The following BLMH variants were observed in gnomAD, a reference collection of about 807,000 sequenced individuals.
BLMH encodes BLM hydrolase.
A neutral mutation model predicts 61.6 loss-of-function variants in BLMH; 32 were observed. The ratio of observed to expected loss-of-function variants is 0.52; its 90% confidence interval spans 0.39 to 0.70. The LOEUF (loss-of-function observed/expected upper bound fraction) is 0.70, where lower values mean the gene tolerates loss of function less well. Among genes scored for constraint, BLMH ranks in the 30% least tolerant of loss-of-function variants. BLMH has a pLI of 0.00. For missense variants in BLMH, 460 were observed against 555.5 expected (o/e 0.83, Z 1.73); for synonymous variants, 183 against 193.8 (o/e 0.94, Z 0.46).
At chr17:30,251,732 T>G (rs1314797760) in intron 11 of BLMH, among the ~76,000 whole-genome samples, 1 of 152,200 alleles carries the variant, frequency 6.6e-6, no homozygotes, top group Non-Finnish European at 1.5e-5. Context: ...GAAGTAGGTG[T>G]TTCTAGCAAG....
intron 11 of BLMH, among the ~76,000 whole-genome samples, chr17:30,261,400 C>T (rs1460293283): frequency 6.6e-6 from 1 of 152,130 alleles, no homozygotes; most frequent in Non-Finnish European, 1.5e-5. Context: ...TGAATTCTCA[C>T]GAAGCAAGAT....
chr17:30,263,561 G>A (rs1001037182), intron 11 of BLMH, among the ~76,000 whole-genome samples: 4 of 152,228 alleles, frequency 2.6e-5, no homozygotes, highest in Admixed American at 6.5e-5. Flanking sequence ...AACTGACTAT[G>A]AATACTAGAA....
chr17:30,274,240 A>G (rs958651972), intron 6 of BLMH, 43 bp from the exon 7 acceptor site: 1 of 1,581,088 alleles, frequency 6.3e-7, no homozygotes, highest in Non-Finnish European at 8.6e-7. Context: ...GTTAGGGGGA[A>G]ATGTTATTTT....
At chr17:30,258,679 C>T (rs1907879809) in intron 11 of BLMH, among the ~76,000 whole-genome samples, 1 of 152,200 alleles carries the variant, frequency 6.6e-6, no homozygotes, top group South Asian at 2.1e-4. Flanking sequence ...ATGAGCTAGG[C>T]AGCCCTGAGG....
chr17:30,250,973 G>A lies in BLMH; in HGVS notation c.1217-1805C>T, dbSNP rs1010774363. Among the ~76,000 whole-genome samples the A allele has an allele frequency of 7.9e-5, 12 of 152,308 alleles. 1 individual carries two copies. Among genetic ancestry groups the A allele is most frequent in the Admixed American group, 7.8e-4 (12 of 15,300 alleles). On this transcript the variant is annotated intron_variant, in intron 11 of 11. Transcript: ENST00000261714. ...GCTGGAGGCCATGATTCTAAATGAA[G>A]TAACTCAGGAATGGAAAACCAAATA... is the stretch of plus-strand genomic sequence containing the variant.
At position 30,274,065 on chromosome 17, in the gene BLMH, G is replaced by A. The variant is rs1908351266; in HGVS notation, c.778C>T (p.Pro260Ser). 4 of 1,614,064 alleles carry A rather than the reference G, an allele frequency of 2.5e-6. No homozygotes were observed. The highest frequency in any genetic ancestry group is 3.4e-6 in the Non-Finnish European group (4 of 1,179,990). The change falls in exon 7 of 12, where the codon CCA becomes TCA. Residue 260 changes from proline to serine, a missense_variant. By Grantham distance (74) the Pro-to-Ser change is moderately conservative (BLOSUM62 -1). Transcript: ENST00000261714. ...ACCTTATCTTCCATATTGAAGAGTG[G>A]CTTGACATGTTCCCTGTAAAACTCC... ...PLEFYREHVKPLFNMEDKICL... is the reference protein window; with the variant it reads ...PLEFYREHVKSLFNMEDKICL...
chr17:30,274,772 A>C (rs1876967514), intron 6 of BLMH, among the ~76,000 whole-genome samples: 1 of 152,112 alleles, frequency 6.6e-6, no homozygotes. Context: ...CCTTGAACCC[A>C]GGAGTTCAAG....
Position 30,285,499 on chromosome 17 carries a change from C to G in BLMH, c.553-19G>C. On this transcript the variant is annotated intron_variant, in intron 5 of 11. Transcript: ENST00000261714. The stretch of plus-strand genomic sequence containing the variant: ...CTCTCATCTATGACAGAAACTTATT[C>G]AGCACTCCAACAGTTACCCGAATTC... 1 of 1,581,566 alleles carries G rather than the reference C, an allele frequency of 6.3e-7. No homozygotes were observed. The highest frequency in any genetic ancestry group is 8.6e-7 in the Non-Finnish European group (1 of 1,157,372).
Position 30,248,935 on chromosome 17 carries a change from A to G in BLMH, c.*82T>C, listed in dbSNP as rs1206046861. The G allele has an allele frequency of 1.3e-6, 2 of 1,531,738 alleles. No individual in the cohort carries two copies. Among genetic ancestry groups the G allele is most frequent in the East Asian group, 2.3e-5 (1 of 44,390 alleles). The allele number at this position is 1,531,738 out of a possible 1,614,324, so 94.9% of individuals were successfully genotyped here. ...CCTGTGGCAACACACAGTCCCTTGCATAACTTTGGCTTCAGTCCCTGGATC... is the reference window on the plus strand; with the variant it reads ...CCTGTGGCAACACACAGTCCCTTGCGTAACTTTGGCTTCAGTCCCTGGATC... On this transcript the variant is annotated 3_prime_UTR_variant, in exon 12 of 12. Transcript: ENST00000261714.
chr17:30,279,445 T>C (rs1367217245), intron 6 of BLMH, among the ~76,000 whole-genome samples: 2 of 152,188 alleles, frequency 1.3e-5, no homozygotes, highest in Non-Finnish European at 2.9e-5. Context: ...AAATAGAGAA[T>C]TTAAACTAAC....
intron 6 of BLMH, among the ~76,000 whole-genome samples, chr17:30,284,289 T>C (rs930736607): frequency 6.6e-6 from 1 of 152,244 alleles, no homozygotes; most frequent in Non-Finnish European, 1.5e-5. Context: ...ACTGAGCCTT[T>C]AGAGCTTAAG....
intron 6 of BLMH, among the ~76,000 whole-genome samples, chr17:30,282,148 A>G (rs1273147457): frequency 4.6e-5 from 7 of 151,186 alleles, no homozygotes; most frequent in Admixed American, 4.6e-4. Flanking sequence ...GATCTGCCTT[A>G]GCCTCCCAAG....
chr17:30,248,780 T>TA lies in BLMH; in HGVS notation c.*236dup, dbSNP rs1907593264. The TA allele has an allele frequency of 2.1e-6, 1 of 480,754 alleles. No homozygotes were observed. 29.8% of individuals were successfully genotyped at this position (480,754 alleles called of 1,614,324 possible). The stretch of plus-strand genomic sequence containing the variant: ...AAAATGCTAAGAGATCCTGAGCTGT[T>TA]AGAGATGAGGAGAGTAGATAGTATG... On this transcript the variant is annotated 3_prime_UTR_variant, in exon 12 of 12. Coordinates refer to ENST00000261714, the MANE Select transcript of BLMH (RefSeq NM_000386.4).
At chr17:30,263,384 A>T (rs1265868652) in intron 11 of BLMH, among the ~76,000 whole-genome samples, 1 of 152,240 alleles carries the variant, frequency 6.6e-6, no homozygotes, top group Non-Finnish European at 1.5e-5. Context: ...AAAATGAAAG[A>T]TAATATATCA....
rs28415979 is a variant in BLMH, at chr17:30,289,134, A to G, written c.321+239T>C. On this transcript the variant is annotated intron_variant, in intron 3 of 11. Transcript: ENST00000261714. ...ATATAAAATTTAAAATTTTAAATAG[A>G]CAAGCAAGCAGTAAGATGAGTCAGT... Among the ~76,000 whole-genome samples, 643 of 152,326 alleles carry G rather than the reference A, an allele frequency of 4.2e-3. 7 individuals carry two copies. The highest frequency in any genetic ancestry group is 0.015 in the African/African-American group (604 of 41,576).
At chr17:30,275,760 T>C (rs1287809612) in intron 6 of BLMH, among the ~76,000 whole-genome samples, 1 of 152,060 alleles carries the variant, frequency 6.6e-6, no homozygotes, top group Admixed American at 6.6e-5. Flanking sequence ...AGAAAGTATT[T>C]TATCTTCTAT....
chr17:30,278,490 T>C (rs116552770), intron 6 of BLMH, among the ~76,000 whole-genome samples: 1,733 of 152,314 alleles, frequency 0.011, 27 homozygotes, highest in African/African-American at 0.04. Context: ...TTCCTTTACT[T>C]TTCTCCATTG....
chr17:30,253,846 C>T (rs1907740831), intron 11 of BLMH, among the ~76,000 whole-genome samples: 1 of 152,122 alleles, frequency 6.6e-6, no homozygotes, highest in Non-Finnish European at 1.5e-5. Context: ...AGTGAACAGT[C>T]CTCAAAACAA....
chr17:30,277,518 G>C (rs1908455125), intron 6 of BLMH, among the ~76,000 whole-genome samples: 1 of 152,228 alleles, frequency 6.6e-6, no homozygotes, highest in South Asian at 2.1e-4. Flanking sequence ...TGTTACATGT[G>C]TATCTACATG....
Sources: allele counts gnomAD v4.1 joint callset (sites outside exome capture counted in the v4.1 genomes callset), GRCh38; gene constraint gnomAD v4.1.1; transcripts MANE v1.5; gene names NCBI Gene and HGNC (gene_info 2026-07-23, HGNC 2026-07-21).